The following AMOTL1 variants were observed in gnomAD, a reference collection of about 807,000 sequenced individuals.
AMOTL1 encodes angiomotin like 1, also known as angiomotin-like protein 1.
AMOTL1 carries 45 observed loss-of-function variants against 102.9 expected under a neutral mutation model. That is an observed-to-expected ratio of 0.44 (90% CI 0.34 to 0.56). The LOEUF (loss-of-function observed/expected upper bound fraction) is 0.56, where lower values mean the gene tolerates loss of function less well. Ranked by LOEUF, AMOTL1 falls within the 20% of genes least tolerant of loss-of-function variation. The pLI is 0.01. For missense variants in AMOTL1, 1,114 were observed against 1,225.6 expected (o/e 0.91, Z 1.36); for synonymous variants, 481 against 484.7 (o/e 0.99, Z 0.10).
chr11:94,731,163 G>A (rs1481247273), intron 2 of AMOTL1, among the ~76,000 whole-genome samples: 1 of 152,192 alleles, frequency 6.6e-6, no homozygotes, highest in African/African-American at 2.4e-5. Context: ...TTGGGTAAGT[G>A]ACGAGCTTCT....
intron 6 of AMOTL1, among the ~76,000 whole-genome samples, chr11:94,846,488 T>C (rs910197671): frequency 1.3e-5 from 2 of 152,354 alleles, no homozygotes; most frequent in Non-Finnish European, 1.5e-5. Flanking sequence ...ACTACCTCAG[T>C]CACAGAACCA....
At chr11:94,722,001 T>A (rs920389044) in intron 1 of AMOTL1, among the ~76,000 whole-genome samples, 13 of 152,132 alleles carry the variant, frequency 8.5e-5, no homozygotes, top group Non-Finnish European at 1.3e-4. Context: ...TTTGTCTCTT[T>A]GCCTCATAGA....
chr11:94,789,251 T>C (rs1951241523), intron 1 of AMOTL1, among the ~76,000 whole-genome samples: 1 of 152,146 alleles, frequency 6.6e-6, no homozygotes, highest in South Asian at 2.1e-4. Flanking sequence ...CTTTGCCTCC[T>C]GGGTTCAAGT....
At chr11:94,770,604 C>T (rs1397092367) in intron 1 of AMOTL1, among the ~76,000 whole-genome samples, 1 of 152,094 alleles carries the variant, frequency 6.6e-6, no homozygotes. Context: ...CTTTCCCTCC[C>T]CCTTCTTTTT....
intron 4 of AMOTL1, among the ~76,000 whole-genome samples, chr11:94,823,483 C>A (rs1464396565): frequency 6.6e-6 from 1 of 152,118 alleles, no homozygotes; most frequent in Non-Finnish European, 1.5e-5. Flanking sequence ...TGGGCAGCTT[C>A]TTTTAGGTAT....
chr11:94,823,709 T>G (rs1251707752), intron 4 of AMOTL1, among the ~76,000 whole-genome samples: 1 of 149,734 alleles, frequency 6.7e-6, no homozygotes, highest in Non-Finnish European at 1.5e-5. Flanking sequence ...TGCCTTTTTA[T>G]TAACATGTAC....
chr11:94,767,806 G>A (rs541220733), upstream of AMOTL1, among the ~76,000 whole-genome samples: 1 of 151,670 alleles, frequency 6.6e-6, no homozygotes, highest in Non-Finnish European at 1.5e-5. Context: ...GTACGGTTCT[G>A]CGAACACATT....
chr11:94,749,433 C>A (rs1950625598), intron 3 of AMOTL1, among the ~76,000 whole-genome samples: 1 of 152,214 alleles, frequency 6.6e-6, no homozygotes, highest in African/African-American at 2.4e-5. Flanking sequence ...TCTACCTACT[C>A]AAATGCCAGC....
chr11:94,726,689 A>T (rs554585197), intron 1 of AMOTL1, among the ~76,000 whole-genome samples: 3 of 152,256 alleles, frequency 2.0e-5, no homozygotes, highest in Non-Finnish European at 4.4e-5. Context: ...TTAGACTTGG[A>T]TGGAGGTTAA....
chr11:94,764,066 C>G (rs1052443867), upstream of AMOTL1, among the ~76,000 whole-genome samples: 20 of 152,160 alleles, frequency 1.3e-4, no homozygotes, highest in Admixed American at 1.2e-3. Flanking sequence ...TGTGTCCATG[C>G]CTTTGCTCGA....
At chr11:94,766,189 A>G (rs1950852887), upstream of AMOTL1, among the ~76,000 whole-genome samples, 2 of 152,120 alleles carry the variant, frequency 1.3e-5, no homozygotes, top group Admixed American at 1.3e-4. Context: ...GGTATCTCTC[A>G]TTTCCTTTTT....
intron 3 of AMOTL1, among the ~76,000 whole-genome samples, chr11:94,757,423 G>A (rs1950739763): frequency 6.6e-6 from 1 of 152,128 alleles, no homozygotes; most frequent in Non-Finnish European, 1.5e-5. Context: ...TGGCAGAGGA[G>A]GGGTGATTCC....
intron 2 of AMOTL1, among the ~76,000 whole-genome samples, chr11:94,737,881 A>G (rs1591914335): frequency 6.6e-6 from 1 of 152,244 alleles, no homozygotes; most frequent in African/African-American, 2.4e-5. Context: ...AAAATGGAGA[A>G]TGGGTGCTAT....
intron 3 of AMOTL1, among the ~76,000 whole-genome samples, chr11:94,801,563 C>T (rs1951479109): frequency 1.3e-5 from 2 of 152,118 alleles, no homozygotes; most frequent in Admixed American, 1.3e-4. Context: ...AGCCCCACGC[C>T]ACAAGGAGCT....
At chr11:94,785,325 T>C (rs1368973471) in intron 1 of AMOTL1, among the ~76,000 whole-genome samples, 2 of 152,214 alleles carry the variant, frequency 1.3e-5, no homozygotes, top group East Asian at 1.9e-4. Context: ...AAAGAGCTTT[T>C]CTGTTGGAGG....
chr11:94,714,547 A>T (rs1950067891), intron 1 of AMOTL1, among the ~76,000 whole-genome samples: 1 of 152,090 alleles, frequency 6.6e-6, no homozygotes, highest in African/African-American at 2.4e-5. Flanking sequence ...TTATAAATTC[A>T]ATTTTTTAAA....
At chr11:94,740,807 C>A (rs547857964) in intron 2 of AMOTL1, 16 of 672,510 alleles carry the variant, frequency 2.4e-5, no homozygotes, top group Middle Eastern at 4.9e-4. Flanking sequence ...GGGCCTCCGG[C>A]TCAGGGATTC....
chr11:94,770,693 G>C (rs1039660223), intron 1 of AMOTL1, among the ~76,000 whole-genome samples: 4 of 152,200 alleles, frequency 2.6e-5, no homozygotes, highest in Non-Finnish European at 4.4e-5. Context: ...CAAAGGGCAT[G>C]TGGAGATCAA....
intron 8 of AMOTL1, among the ~76,000 whole-genome samples, chr11:94,859,260 C>T (rs1367608944): frequency 6.6e-6 from 1 of 152,196 alleles, no homozygotes; most frequent in African/African-American, 2.4e-5. Context: ...GGTTTGAATC[C>T]TGACCCTACT....
Sources: gnomAD v4.1 joint callset for allele counts (sites outside exome capture counted in the v4.1 genomes callset) on GRCh38, gnomAD v4.1.1 for gene constraint, MANE v1.5 for transcripts, NCBI Gene and HGNC (gene_info 2026-07-23, HGNC 2026-07-21) for gene names.